Variants in PPP3R1 observed in about 807,000 individuals in gnomAD.
PPP3R1 encodes calcineurin subunit B type 1.
PPP3R1 carries 5 observed loss-of-function variants against 22.6 expected under a neutral mutation model. The observed-to-expected ratio is 0.22, with a 90% CI of 0.12 to 0.46. The LOEUF (loss-of-function observed/expected upper bound fraction) is 0.46, where lower values mean the gene tolerates loss of function less well. PPP3R1 is among the 20% of genes least tolerant of loss of function. The pLI, the probability that PPP3R1 is intolerant of heterozygous loss-of-function variation, is 0.99. For missense variants in PPP3R1, 61 were observed against 203.2 expected (o/e 0.30, Z 4.25); for synonymous variants, 56 against 65.2 (o/e 0.86, Z 0.68).
intron 2 of PPP3R1, among the ~76,000 whole-genome samples, chr2:68,198,245 GTACATACATA>G (rs1674849245): frequency 7.3e-6 from 1 of 137,720 alleles, no homozygotes; most frequent in Admixed American, 7.4e-5. Flanking sequence ...ATACACATAT[GTACATACATA>G]TGTATACATA....
intron 1 of PPP3R1, among the ~76,000 whole-genome samples, chr2:68,241,829 G>A (rs1315792787): frequency 7.4e-6 from 1 of 135,728 alleles, no homozygotes; most frequent in East Asian, 2.2e-4. Flanking sequence ...GGCCCACAGA[G>A]TAAGACTCCA....
chr2:68,203,192 C>T (rs1396452142), intron 2 of PPP3R1, among the ~76,000 whole-genome samples: 1 of 152,140 alleles, frequency 6.6e-6, no homozygotes, highest in Non-Finnish European at 1.5e-5. Flanking sequence ...TAAATGACAG[C>T]TGGTAAACTG....
intron 1 of PPP3R1, among the ~76,000 whole-genome samples, chr2:68,244,781 C>G (rs1402042188): frequency 1.3e-5 from 2 of 152,112 alleles, no homozygotes; most frequent in Non-Finnish European, 2.9e-5. Context: ...GAAACTGACA[C>G]TCACTGCCTT....
intron 2 of PPP3R1, among the ~76,000 whole-genome samples, chr2:68,194,534 C>T (rs567091968): frequency 6.6e-6 from 1 of 152,016 alleles, no homozygotes; most frequent in South Asian, 2.1e-4. Context: ...GATGATGAAA[C>T]ATAAATCATC....
intron 1 of PPP3R1, among the ~76,000 whole-genome samples, chr2:68,251,657 G>T (rs1012639209): frequency 1.3e-5 from 2 of 152,156 alleles, no homozygotes; most frequent in Non-Finnish European, 2.9e-5. Flanking sequence ...AGAGTAAGTG[G>T]GTCTTATGTA....
At position 68,186,666 on chromosome 2, in the gene PPP3R1, A is replaced by G; in HGVS notation, c.281-14T>C. 1.3e-6 allele frequency: 2 copies of G among 1,582,676 alleles called. No homozygotes were observed. Among genetic ancestry groups the G allele is most frequent in the Non-Finnish European group, 1.7e-6 (2 of 1,161,040 alleles). ...TACGGAAAGCAACTAAAAAAAAGGA[A>G]GGAAAATCAATTCCAATTACAAAGC... On this transcript the variant is annotated splice_polypyrimidine_tract_variant and intron_variant, in intron 4 of 5. Transcript: ENST00000234310.
At chr2:68,208,105 A>G (rs562529389) in intron 2 of PPP3R1, among the ~76,000 whole-genome samples, 1 of 152,312 alleles carries the variant, frequency 6.6e-6, no homozygotes, top group Admixed American at 6.5e-5. Context: ...GTGAGCCGAG[A>G]CCACGCCATT....
chr2:68,243,738 GTTTACA>G (rs1421219097), intron 1 of PPP3R1, among the ~76,000 whole-genome samples: 1 of 152,024 alleles, frequency 6.6e-6, no homozygotes, highest in Non-Finnish European at 1.5e-5. Context: ...CTGACTCATT[GTTTACA>G]TTTAAAATAC....
intron 2 of PPP3R1, among the ~76,000 whole-genome samples, chr2:68,214,131 A>G (rs575650552): frequency 7.0e-4 from 107 of 152,326 alleles, no homozygotes; most frequent in African/African-American, 2.3e-3. Context: ...TACCATATAC[A>G]AATCAACTCA....
intron 1 of PPP3R1, among the ~76,000 whole-genome samples, chr2:68,218,911 C>T (rs1023748794): frequency 1.2e-4 from 19 of 152,078 alleles, no homozygotes; most frequent in African/African-American, 4.6e-4. Flanking sequence ...GTATCATTCC[C>T]AACTAGACAA....
chr2:68,252,260 G>T lies in PPP3R1; in HGVS notation c.-133C>A. The stretch of plus-strand genomic sequence containing the variant: ...GCCGGCGGGGAGGGGGCGCGCGTGG[G>T]GGAGGGGAGGCGGCGCCGCGGGGCC... On this transcript the variant is annotated 5_prime_UTR_variant, in exon 1 of 6. Coordinates refer to ENST00000234310, the MANE Select transcript of PPP3R1 (RefSeq NM_000945.4). 1 of 1,067,648 alleles carries T rather than the reference G, an allele frequency of 9.4e-7. No individual in the cohort carries two copies. Among genetic ancestry groups the T allele is most frequent in the Non-Finnish European group, 1.1e-6 (1 of 883,632 alleles). The allele number at this position is 1,067,648 out of a possible 1,614,324, so 66.1% of individuals were successfully genotyped here.
chr2:68,206,097 C>A (rs898215271), intron 2 of PPP3R1, among the ~76,000 whole-genome samples: 1 of 152,116 alleles, frequency 6.6e-6, no homozygotes. Flanking sequence ...GGATTACAGG[C>A]GTGAGCCACC....
At position 68,191,368 on chromosome 2, in the gene PPP3R1, G is replaced by T. The variant is rs116584223; in HGVS notation, c.44-2678C>A. ...CACAATGCTAAATATCTGTGTATCT[G>T]AACATATCTAAACATTCAAAAGGTA... On this transcript the variant is annotated intron_variant, in intron 2 of 5. Transcript: ENST00000234310. Among the ~76,000 whole-genome samples the T allele has an allele frequency of 5.2e-3, 796 of 152,228 alleles. 5 individuals carry two copies. Among genetic ancestry groups the T allele is most frequent in the African/African-American group, 0.018 (762 of 41,530 alleles).
chr2:68,198,362 TAC>T (rs368036016), intron 2 of PPP3R1, among the ~76,000 whole-genome samples: 2,043 of 78,922 alleles, frequency 0.026, 31 homozygotes, highest in African/African-American at 0.085. Flanking sequence ...CATATATATG[TAC>T]ATATATGTAC....
intron 2 of PPP3R1, among the ~76,000 whole-genome samples, chr2:68,198,963 TTTGTA>T (rs988642690): frequency 6.6e-6 from 1 of 151,810 alleles, no homozygotes; most frequent in Non-Finnish European, 1.5e-5. Flanking sequence ...TTCATCTTTA[TTTGTA>T]TTATTATTTT....
chr2:68,184,124 G>A (rs1485850927), intron 5 of PPP3R1, among the ~76,000 whole-genome samples: 1 of 152,184 alleles, frequency 6.6e-6, no homozygotes, highest in Non-Finnish European at 1.5e-5. Flanking sequence ...TCTTGATAGG[G>A]TGCAGGAGAG....
chr2:68,249,938 T>C (rs1670311287), intron 1 of PPP3R1, among the ~76,000 whole-genome samples: 1 of 152,226 alleles, frequency 6.6e-6, no homozygotes, highest in Non-Finnish European at 1.5e-5. Flanking sequence ...GTTTTCAGAA[T>C]TGTATGTTCA....
intron 2 of PPP3R1, among the ~76,000 whole-genome samples, chr2:68,216,798 T>C (rs764611449): frequency 6.6e-6 from 1 of 152,184 alleles, no homozygotes; most frequent in Non-Finnish European, 1.5e-5. Context: ...GAAACTTCAC[T>C]TGAAAAACTT....
chr2:68,189,594 G>T (rs959316709), intron 2 of PPP3R1, among the ~76,000 whole-genome samples: 1 of 152,072 alleles, frequency 6.6e-6, no homozygotes, highest in African/African-American at 2.4e-5. Flanking sequence ...CGGGCCAGGC[G>T]CAATGGCTCA....
Sources: allele counts gnomAD v4.1 joint callset (sites outside exome capture counted in the v4.1 genomes callset), GRCh38; gene constraint gnomAD v4.1.1; transcripts MANE v1.5; gene names NCBI Gene and HGNC (gene_info 2026-07-23, HGNC 2026-07-21).